Variants in KCNQ1 observed in about 807,000 individuals in gnomAD.
The protein encoded by KCNQ1 is potassium voltage-gated channel subfamily KQT member 1.
Under a neutral mutation model 72.4 loss-of-function variants are expected in KCNQ1, and 49 were observed. That is an observed-to-expected ratio of 0.68 (90% confidence interval 0.54 to 0.86). KCNQ1 has a LOEUF of 0.86. Among genes scored for constraint, KCNQ1 ranks in the 40% least tolerant of loss-of-function variants. The pLI is 0.00. For synonymous variants in KCNQ1, 450 were observed against 412.6 expected (o/e 1.09, Z -1.10); for missense variants, 790 against 945.1 (o/e 0.84, Z 2.15).
chr11:2,569,567 G>A (rs756464621), intron 2 of KCNQ1, among the ~76,000 whole-genome samples: 10 of 152,208 alleles, frequency 6.6e-5, no homozygotes, highest in African/African-American at 1.4e-4. Context: ...GGCCTGAGAC[G>A]CCGTATGCCT....
intron 15 of KCNQ1, among the ~76,000 whole-genome samples, chr11:2,820,910 A>G (rs1003905313): frequency 6.6e-6 from 1 of 152,062 alleles, no homozygotes; most frequent in Admixed American, 6.5e-5. Context: ...TGTCAAGGGG[A>G]GTGCCTACAC....
chr11:2,652,270 C>A lies in KCNQ1; in HGVS notation c.1394-9691C>A. The A allele has an allele frequency of 2.5e-6, 1 of 398,666 alleles. No individual in the cohort carries two copies. Among genetic ancestry groups the A allele is most frequent in the East Asian group, 3.6e-5 (1 of 28,074 alleles). 24.7% of individuals were successfully genotyped at this position (398,666 alleles called of 1,614,324 possible). A position where few individuals can be genotyped will look rare whatever the true frequency, so the allele number is the denominator to read the frequency against. On this transcript the variant is annotated intron_variant, in intron 10 of 15. Coordinates refer to ENST00000155840, the MANE Select transcript of KCNQ1 (RefSeq NM_000218.3). This position sits in a 1 kb window ranked among gnomAD's most constrained non-coding sequence, Gnocchi z 5.9. ...TCCCCATTAAACATTCTGAGAACATCTGCACCGGTTTCCAAGGCTTCTCCC... is the reference window on the plus strand; with the variant it reads ...TCCCCATTAAACATTCTGAGAACATATGCACCGGTTTCCAAGGCTTCTCCC...
rs550007614 is a variant in KCNQ1 at position 2,602,138 on chromosome 11, C to G, written c.1393+13284C>G. ...TGTGATTTGAGGAAGGGGTCACAAACCAAAGAACGCTTCCAGAAGAAAAGG... is the reference window on the plus strand; with the variant it reads ...TGTGATTTGAGGAAGGGGTCACAAAGCAAAGAACGCTTCCAGAAGAAAAGG... On this transcript the variant is annotated intron_variant, in intron 10 of 15. Transcript: ENST00000155840. The surrounding 1 kb of genome is among the most constrained non-coding windows in gnomAD (Gnocchi z 4.8). 6.0e-4 allele frequency among the ~76,000 whole-genome samples: 92 copies of G among 152,182 alleles called. No individual in the cohort carries two copies. The highest frequency in any genetic ancestry group is 2.1e-3 in the African/African-American group (87 of 41,508).
chr11:2,722,254 T>C (rs1845681339), intron 11 of KCNQ1, among the ~76,000 whole-genome samples: 1 of 151,546 alleles, frequency 6.6e-6, no homozygotes, highest in African/African-American at 2.4e-5. Context: ...TGTTGACAGG[T>C]GGAGAGAGGT....
rs1042612621 is a variant in KCNQ1, at chr11:2,787,841, A to G, written c.1794+9804A>G. On this transcript the variant is annotated intron_variant, in intron 15 of 15. Transcript: ENST00000155840. This position sits in a 1 kb window ranked among gnomAD's most constrained non-coding sequence, Gnocchi z 6.3. ...TTTCAAACATACTGAAGGGTTTTCT[A>G]ATAACCGAATGAAGGATCTATCTTT... Among the ~76,000 whole-genome samples the G allele has an allele frequency of 6.8e-6, 1 of 147,660 alleles. No individual in the cohort carries two copies. The highest frequency in any genetic ancestry group is 1.5e-5 in the Non-Finnish European group (1 of 66,772).
intron 11 of KCNQ1, chr11:2,665,756 GAA>G (rs1850056230): frequency 7.5e-6 from 3 of 398,434 alleles, no homozygotes; most frequent in Non-Finnish European, 1.3e-5. Context: ...CAGGCATGGA[GAA>G]GCCCTAGGAT....
chr11:2,722,482 T>C (rs1845685868), intron 11 of KCNQ1, among the ~76,000 whole-genome samples: 1 of 151,846 alleles, frequency 6.6e-6, no homozygotes, highest in Non-Finnish European at 1.5e-5. Context: ...ATCGGGAAGG[T>C]GGAGGCTTGG....
intron 15 of KCNQ1, among the ~76,000 whole-genome samples, chr11:2,802,998 C>A (rs1053165178): frequency 2.0e-5 from 3 of 152,226 alleles, no homozygotes; most frequent in African/African-American, 7.2e-5. Flanking sequence ...CACTTCGCCA[C>A]CCAGAGGAGC....
rs1846141139 is a variant in KCNQ1 at position 2,746,553 on chromosome 11, G to A, written c.1515-22291G>A. Among the ~76,000 whole-genome samples the A allele has an allele frequency of 6.6e-6, 1 of 152,190 alleles. No individual in the cohort carries two copies. Among genetic ancestry groups the A allele is most frequent in the Non-Finnish European group, 1.5e-5 (1 of 68,030 alleles). The stretch of plus-strand genomic sequence containing the variant: ...GGACGGTTCAGAGGAGGACAGGTCA[G>A]GTGTTTGTAGGGTGTCCCTTACTAG... On this transcript the variant is annotated intron_variant, in intron 11 of 15. Transcript: ENST00000155840. This position sits in a 1 kb window ranked among gnomAD's most constrained non-coding sequence, Gnocchi z 5.9.
chr11:2,529,679 AC>A (rs1847578952), intron 2 of KCNQ1, among the ~76,000 whole-genome samples: 1 of 152,064 alleles, frequency 6.6e-6, no homozygotes, highest in East Asian at 1.9e-4. Context: ...ACTTCTCGTG[AC>A]TGTGGTCGTA....
intron 1 of KCNQ1, chr11:2,461,374 A>G: frequency 9.0e-6 from 11 of 1,216,572 alleles, no homozygotes; most frequent in Non-Finnish European, 9.5e-6. Context: ...CGGGAAGGGA[A>G]CCTTGAGTGT....
At position 2,848,159 on chromosome 11, in the gene KCNQ1, C is replaced by T. The variant is rs1329482183; in HGVS notation, c.*156C>T. ...ACCCCATGGACCATGCTGTCTGGCA[C>T]AGCCTGCACTTGGGGGCTCAGCAAG... is the stretch of plus-strand genomic sequence containing the variant. On this transcript the variant is annotated 3_prime_UTR_variant, in exon 16 of 16. Transcript: ENST00000155840. The T allele has an allele frequency of 2.6e-6, 2 of 759,444 alleles. No homozygotes were observed. The allele number at this position is 759,444 out of a possible 1,614,324, so 47.0% of individuals were successfully genotyped here.
In KCNQ1 at chr11:2,780,002, G is replaced by C. The variant is rs111416800; in HGVS notation, c.1794+1965G>C. The stretch of plus-strand genomic sequence containing the variant: ...GTCAGGCTCTGAGCCGGGGCCACGA[G>C]GATTCTGGTAGATTCTGCATGCACA... On this transcript the variant is annotated intron_variant, in intron 15 of 15. Transcript: ENST00000155840. 1.7e-3 allele frequency among the ~76,000 whole-genome samples: 256 copies of C among 152,382 alleles called. 1 individual carries two copies. The highest frequency in any genetic ancestry group is 5.6e-3 in the African/African-American group (231 of 41,596).
At position 2,762,112 on chromosome 11, in the gene KCNQ1, G is replaced by A. The variant is rs1406331937; in HGVS notation, c.1515-6732G>A. ...CCCGTTCCCTGCCTGCTCCCAGGCT[G>A]TTTGGGGTGATGGAAAGAGGCCAGG... On this transcript the variant is annotated intron_variant, in intron 11 of 15. Coordinates refer to ENST00000155840, the MANE Select transcript of KCNQ1 (RefSeq NM_000218.3). This position sits in a 1 kb window ranked among gnomAD's most constrained non-coding sequence, Gnocchi z 4.3. Among the ~76,000 whole-genome samples, 1 of 152,228 alleles carries A rather than the reference G, an allele frequency of 6.6e-6. No homozygotes were observed. The highest frequency in any genetic ancestry group is 6.5e-5 in the Admixed American group (1 of 15,294).
chr11:2,661,535 C>A lies in KCNQ1; in HGVS notation c.1394-426C>A, dbSNP rs1324908855. 6.1e-6 allele frequency: 3 copies of A among 495,796 alleles called. No individual in the cohort carries two copies. The Admixed American group carries it at 1.1e-4, about 17-fold the overall frequency. The allele number at this position is 495,796 out of a possible 1,614,324, so 30.7% of individuals were successfully genotyped here. A position where few individuals can be genotyped will look rare whatever the true frequency, so the allele number is the denominator to read the frequency against. On this transcript the variant is annotated intron_variant, in intron 10 of 15. Transcript: ENST00000155840. The surrounding 1 kb of genome is among the most constrained non-coding windows in gnomAD (Gnocchi z 5.9). ...GGTCCTATCACCCCATCTTTCCTGA[C>A]CCACTACTCTGTCAATGTATGAGTG... is the stretch of plus-strand genomic sequence containing the variant.
rs977302938 is a variant in KCNQ1, at chr11:2,711,491, A to G, written c.1514+49410A>G. Among the ~76,000 whole-genome samples the G allele has an allele frequency of 2.0e-5, 3 of 151,950 alleles. No individual in the cohort carries two copies. The highest frequency in any genetic ancestry group is 1.3e-4 in the Admixed American group (2 of 15,256). On this transcript the variant is annotated intron_variant, in intron 11 of 15. Transcript: ENST00000155840. The surrounding 1 kb of genome is among the most constrained non-coding windows in gnomAD (Gnocchi z 5.4). ...GCTTACTGAGCCACCATCTTATCCAAGTGCTCTGTGGCAGCTTGTGGAATC... is the reference window on the plus strand; with the variant it reads ...GCTTACTGAGCCACCATCTTATCCAGGTGCTCTGTGGCAGCTTGTGGAATC...
rs1850446922 is a variant in KCNQ1 at position 2,684,200 on chromosome 11, GC to G, written c.1514+22121del. 3.3e-5 allele frequency: 13 copies of G among 398,646 alleles called. No homozygotes were observed. In the Middle Eastern group the frequency reaches 1.9e-3, roughly 58 times the overall value. The allele number at this position is 398,646 out of a possible 1,614,324, so 24.7% of individuals were successfully genotyped here. ...GCCCACTGGGGCTTGGTCAGACTCT[GC>G]CAGGAGACAGGCAGCTGTCTGTTAA... On this transcript the variant is annotated intron_variant, in intron 11 of 15. Coordinates refer to ENST00000155840, the MANE Select transcript of KCNQ1 (RefSeq NM_000218.3).
rs1481653473 is a variant in KCNQ1, at chr11:2,816,114, C to A, written c.1795-31653C>A. Among the ~76,000 whole-genome samples, 1 of 152,190 alleles carries A rather than the reference C, an allele frequency of 6.6e-6. No individual in the cohort carries two copies. The highest frequency in any genetic ancestry group is 1.9e-4 in the East Asian group (1 of 5,190). On this transcript the variant is annotated intron_variant, in intron 15 of 15. Transcript: ENST00000155840. This position sits in a 1 kb window ranked among gnomAD's most constrained non-coding sequence, Gnocchi z 6.8. ...TGAGGAAGAGGACAGTAGCCAGGGGCAAGACCTCACACGCCTCTGCCCATC... is the reference window on the plus strand; with the variant it reads ...TGAGGAAGAGGACAGTAGCCAGGGGAAAGACCTCACACGCCTCTGCCCATC...
At chr11:2,472,317 T>G (rs1338654468) in intron 1 of KCNQ1, among the ~76,000 whole-genome samples, 1 of 151,720 alleles carries the variant, frequency 6.6e-6, no homozygotes, top group Non-Finnish European at 1.5e-5. Context: ...TGTGTGCACC[T>G]TTGTGTGTAT....
Sources: allele counts gnomAD v4.1 joint callset (sites outside exome capture counted in the v4.1 genomes callset), GRCh38; gene constraint gnomAD v4.1.1; non-coding constraint Gnocchi (gnomAD v3.1); transcripts MANE v1.5; gene names NCBI Gene and HGNC (gene_info 2026-07-23, HGNC 2026-07-21).